USP32: variants seen among roughly 807,000 people sequenced by gnomAD.
The protein encoded by USP32 is ubiquitin carboxyl-terminal hydrolase 32.
Under a neutral mutation model 204.8 loss-of-function variants are expected in USP32, and 59 were observed. That is an observed-to-expected ratio of 0.29 (90% CI 0.23 to 0.36). The LOEUF is 0.36. Among genes scored for constraint, USP32 ranks in the 10% least tolerant of loss-of-function variants. The pLI is 1.00. For missense variants in USP32, 1,160 were observed against 1,946.4 expected (o/e 0.60, Z 7.60); for synonymous variants, 517 against 678.4 (o/e 0.76, Z 3.70).
At chr17:60,392,237 C>T (rs2089854189), upstream of USP32, 1 of 463,462 alleles carries the variant, frequency 2.2e-6, no homozygotes, top group East Asian at 4.1e-5. Context: ...CCACTTCCGC[C>T]CCCTCCCGCC....
chr17:60,351,686 G>A (rs1201617153), intron 1 of USP32, among the ~76,000 whole-genome samples: 1 of 152,022 alleles, frequency 6.6e-6, no homozygotes, highest in African/African-American at 2.4e-5. Context: ...CCTCGGCCTC[G>A]CAAAGTGCTG....
intron 16 of USP32, among the ~76,000 whole-genome samples, chr17:60,215,731 G>C (rs1389056761): frequency 6.6e-6 from 1 of 152,058 alleles, no homozygotes; most frequent in Non-Finnish European, 1.5e-5. Flanking sequence ...AATAGGTATA[G>C]ACTCTACATA....
Position 60,389,417 on chromosome 17 carries a change from C to A in USP32, c.58+2465G>T, listed in dbSNP as rs558379255. On this transcript the variant is annotated intron_variant, in intron 1 of 33. Coordinates refer to ENST00000300896, the MANE Select transcript of USP32 (RefSeq NM_032582.4). ...AATAAGCCAGGAGTGGTGGCATGCG[C>A]CTGTAGTCCCAGCTACTCGGGAGGC... 3.3e-5 allele frequency among the ~76,000 whole-genome samples: 5 copies of A among 152,084 alleles called. 1 individual carries two copies. In the East Asian group the frequency reaches 5.8e-4, roughly 18 times the overall value.
At chr17:60,325,759 T>C (rs1378522476) in intron 2 of USP32, among the ~76,000 whole-genome samples, 1 of 151,626 alleles carries the variant, frequency 6.6e-6, no homozygotes, top group Non-Finnish European at 1.5e-5. Flanking sequence ...AAACCCTGTC[T>C]CTACAAAAAA....
intron 2 of USP32, among the ~76,000 whole-genome samples, chr17:60,334,391 C>T (rs2088463804): frequency 6.6e-6 from 1 of 152,112 alleles, no homozygotes; most frequent in Admixed American, 6.6e-5. Context: ...GCATTCACAA[C>T]ATATCTCTCT....
chr17:60,415,132 TA>T (rs1416481937), intron 1 of USP32, among the ~76,000 whole-genome samples: 2 of 152,200 alleles, frequency 1.3e-5, no homozygotes, highest in Non-Finnish European at 2.9e-5. Context: ...GGTCCTTGCT[TA>T]GTCTCACTTG....
chr17:60,366,990 ATT>A (rs2089329298), intron 1 of USP32, among the ~76,000 whole-genome samples: 1 of 151,926 alleles, frequency 6.6e-6, no homozygotes, highest in Non-Finnish European at 1.5e-5. Context: ...CACCCAGCTA[ATT>A]TTGTTTTTAT....
rs768445207 is a variant in USP32, at chr17:60,265,457, G to C, written c.945C>G (p.Leu315=). ...TCAGTATGCCTTCTACAATATCAGA[G>C]AGATCCATATGTAATTCCTTTAAAA... ...TDDIPELHMD[L]SDIVEGILNA... The change falls in exon 9 of 34, where the codon CTC becomes CTG. Residue 315 remains leucine (L), a synonymous_variant. Coordinates refer to ENST00000300896, the MANE Select transcript of USP32 (RefSeq NM_032582.4). 50 of 1,603,560 alleles carry C rather than the reference G, an allele frequency of 3.1e-5. No homozygotes were observed. Among genetic ancestry groups the C allele is most frequent in the Non-Finnish European group, 4.0e-5 (47 of 1,172,050 alleles).
At chr17:60,358,984 C>G (rs1212839199) in intron 1 of USP32, among the ~76,000 whole-genome samples, 1 of 152,194 alleles carries the variant, frequency 6.6e-6, no homozygotes, top group African/African-American at 2.4e-5. Flanking sequence ...TAGAGACACA[C>G]GAGAGGTTCC....
At chr17:60,225,830 T>G (rs957970758) in intron 13 of USP32, among the ~76,000 whole-genome samples, 4 of 151,884 alleles carry the variant, frequency 2.6e-5, no homozygotes, top group East Asian at 3.9e-4. Flanking sequence ...GGCGGGTGCC[T>G]GTAATCGCAG....
chr17:60,392,606 G>A (rs762289592), upstream of USP32: 2 of 451,176 alleles, frequency 4.4e-6, no homozygotes, highest in African/African-American at 4.0e-5. Flanking sequence ...ATGGGGTTCT[G>A]AGGGATGCGG....
intron 2 of USP32, among the ~76,000 whole-genome samples, chr17:60,340,255 C>A (rs893925726): frequency 6.6e-6 from 1 of 152,140 alleles, no homozygotes; most frequent in Non-Finnish European, 1.5e-5. Flanking sequence ...AGTCTATCCA[C>A]CCACTAAAAC....
intron 4 of USP32, among the ~76,000 whole-genome samples, chr17:60,294,306 A>G (rs2087367478): frequency 6.6e-6 from 1 of 152,200 alleles, no homozygotes. Context: ...CAGATGGCTC[A>G]AGGCTAATGA....
intron 12 of USP32, among the ~76,000 whole-genome samples, chr17:60,234,743 A>AT (rs202019898): frequency 3.7e-4 from 55 of 150,174 alleles, no homozygotes; most frequent in African/African-American, 8.2e-4. Context: ...AAAAAAAAAA[A>AT]TTTTTTTTTG....
In USP32 at chr17:60,255,625, C is replaced by T. The variant is rs117959746; in HGVS notation, c.991-367G>A. ...ACTAACACAGAAAAGTAATTTCTTCCTCTTTACTTTCCTAACTCCCCTACA... is the reference window on the plus strand; with the variant it reads ...ACTAACACAGAAAAGTAATTTCTTCTTCTTTACTTTCCTAACTCCCCTACA... On this transcript the variant is annotated intron_variant, in intron 9 of 33. Coordinates refer to ENST00000300896, the MANE Select transcript of USP32 (RefSeq NM_032582.4). Among the ~76,000 whole-genome samples, 11 of 152,286 alleles carry T rather than the reference C, an allele frequency of 7.2e-5. No individual in the cohort carries two copies. The East Asian group carries it at 2.1e-3, about 29-fold the overall frequency.
intron 26 of USP32, among the ~76,000 whole-genome samples, chr17:60,204,666 AC>A (rs2084777398): frequency 6.6e-6 from 1 of 151,934 alleles, no homozygotes; most frequent in African/African-American, 2.4e-5. Flanking sequence ...ATGGGGTTTC[AC>A]CACATTGGCC....
intron 16 of USP32, among the ~76,000 whole-genome samples, chr17:60,218,315 C>T (rs553437690): frequency 4.0e-5 from 6 of 151,638 alleles, no homozygotes; most frequent in South Asian, 2.1e-4. Flanking sequence ...ACCTGGGAGG[C>T]GGAGCTTGCA....
chr17:60,256,417 C>T (rs2086306921), intron 9 of USP32, among the ~76,000 whole-genome samples: 1 of 152,082 alleles, frequency 6.6e-6, no homozygotes, highest in African/African-American at 2.4e-5. Flanking sequence ...AGAGGAAGTG[C>T]TGTGATAAGG....
chr17:60,416,802 G>A (rs1033083026), intron 1 of USP32, among the ~76,000 whole-genome samples: 9 of 152,050 alleles, frequency 5.9e-5, no homozygotes, highest in South Asian at 2.1e-4. Context: ...GGACAGCTAA[G>A]CTTTGAGGTA....
Sources: gnomAD v4.1 joint callset for allele counts (sites outside exome capture counted in the v4.1 genomes callset) on GRCh38, gnomAD v4.1.1 for gene constraint, MANE v1.5 for transcripts, NCBI Gene and HGNC (gene_info 2026-07-23, HGNC 2026-07-21) for gene names.